POU5F2: variants seen among roughly 807,000 people sequenced by gnomAD.
The protein encoded by POU5F2 is POU domain, class 5, transcription factor 2.
For missense variants in POU5F2, 401 were observed against 426.6 expected, an observed-to-expected ratio of 0.94 and a Z score of 0.53; for synonymous variants, 191 against 178.7, an observed-to-expected ratio of 1.07 and a Z score of -0.55.
In POU5F2 at chr5:93,740,537, C is replaced by G; in HGVS notation, c.*40G>C. 1 of 1,539,792 alleles carries G rather than the reference C, an allele frequency of 6.5e-7. No homozygotes were observed. The highest frequency in any genetic ancestry group is 1.4e-5 in the African/African-American group (1 of 72,724). ...CATTTCCTGGGTTTTCCCTTCTTCT[C>G]CCCTCTCCAACCGTGCCGTGAAGGG... On this transcript the variant is annotated 3_prime_UTR_variant, in exon 1 of 1. Transcript: ENST00000606183.
In POU5F2 at chr5:93,741,529, G is replaced by C. The variant is rs977984699; in HGVS notation, c.35C>G (p.Pro12Arg). Residue 12 changes from proline (P) to arginine (R), a missense_variant, in exon 1 of 1, where the codon CCC becomes CGC. Pro to Arg is a moderately radical substitution (Grantham distance 103). Transcript: ENST00000606183. ...AGHRPSNHFC[P>R]LPGSGGGGPR... ...GCCGCCCCCACCACTGCCTGGAAGG[G>C]GGCAGAAGTGGTTTGAGGGCCTGTG... is the stretch of plus-strand genomic sequence containing the variant. 1 of 1,598,980 alleles carries C rather than the reference G, an allele frequency of 6.3e-7. No homozygotes were observed. Among genetic ancestry groups the C allele is most frequent in the Non-Finnish European group, 8.5e-7 (1 of 1,173,104 alleles).
Position 93,737,911 on chromosome 5 carries a change from C to A in POU5F2, c.*2666G>T, listed in dbSNP as rs1224672919. The A allele has an allele frequency of 6.7e-6, 3 of 447,976 alleles. No homozygotes were observed. Among genetic ancestry groups the A allele is most frequent in the African/African-American group, 6.1e-5 (3 of 49,568 alleles). The allele number at this position is 447,976 out of a possible 1,614,324, so 27.8% of individuals were successfully genotyped here. On this transcript the variant is annotated 3_prime_UTR_variant, in exon 1 of 1. Coordinates refer to ENST00000606183, the MANE Select transcript of POU5F2 (RefSeq NM_153216.2). ...AGAAGAAAACACAGGAGCAAATCTTCATGACTTTGCATTTGGCAACATGAA... is the reference window on the plus strand; with the variant it reads ...AGAAGAAAACACAGGAGCAAATCTTAATGACTTTGCATTTGGCAACATGAA...
In POU5F2 at chr5:93,740,626, A is replaced by C. The variant is rs1264638988; in HGVS notation, c.938T>G (p.Val313Gly). The C allele has an allele frequency of 6.2e-7, 1 of 1,607,416 alleles. No homozygotes were observed. The highest frequency in any genetic ancestry group is 1.1e-5 in the South Asian group (1 of 91,000). ...GGTGGCTGGGGCAGAGGAGTGGGCT[A>C]CCCCTGCAGAGTAGAGACGTGTATA... ...PHYTRLYSAG[V>G]AHSSAPATTL... Residue 313 changes from valine to glycine, a missense_variant, in exon 1 of 1, where the codon GTA (valine) becomes GGA (glycine). Coordinates refer to ENST00000606183, the MANE Select transcript of POU5F2 (RefSeq NM_153216.2).
Position 93,741,214 on chromosome 5 carries a change from T to C in POU5F2, c.350A>G (p.Glu117Gly). 1 of 1,613,886 alleles carries C rather than the reference T, an allele frequency of 6.2e-7. No individual in the cohort carries two copies. Among genetic ancestry groups the C allele is most frequent in the Admixed American group, 1.7e-5 (1 of 60,026 alleles). Residue 117 changes from glutamate to glycine, a missense_variant, in exon 1 of 1, where the codon GAG becomes GGG. By Grantham distance (98) the Glu-to-Gly change is moderately conservative. Transcript: ENST00000606183. ...CTCTTTCAGTATGCCCGAGATGTCC[T>C]CTGGCGGCGGCAACTTCGGAATGCT... ...LRSIPKLPPP[E>G]DISGILKELQ...
At position 93,737,939 on chromosome 5, in the gene POU5F2, G is replaced by C; in HGVS notation, c.*2638C>G. The C allele has an allele frequency of 2.2e-6, 1 of 447,792 alleles. No homozygotes were observed. Among genetic ancestry groups the C allele is most frequent in the South Asian group, 1.6e-5 (1 of 61,780 alleles). 27.7% of individuals were successfully genotyped at this position (447,792 alleles called of 1,614,324 possible). ...GACTTTGCATTTGGCAACATGAAAA[G>C]CCTAAGCAACAAAAGAAAAAATGGA... On this transcript the variant is annotated 3_prime_UTR_variant, in exon 1 of 1. Coordinates refer to ENST00000606183, the MANE Select transcript of POU5F2 (RefSeq NM_153216.2).
Position 93,740,860 on chromosome 5 carries a change from G to A in POU5F2, c.704C>T (p.Pro235Leu). ...LEKFFQRCPK[P>L]TPQQISHIAG... ...AATGTGGCTGATTTGCTGGGGTGTG[G>A]GCTTAGGGCACCGCTGGAAGAATTT... Residue 235 changes from proline to leucine, a missense_variant, in exon 1 of 1, where the codon CCC (proline) becomes CTC (leucine). Physicochemically the swap from Pro to Leu is moderately conservative, Grantham distance 98. Transcript: ENST00000606183. The A allele has an allele frequency of 1.2e-6, 2 of 1,613,906 alleles. No individual in the cohort carries two copies. The highest frequency in any genetic ancestry group is 1.3e-5 in the African/African-American group (1 of 75,018).
At position 93,740,766 on chromosome 5, in the gene POU5F2, A is replaced by ACTGCCCATCTTG; in HGVS notation, c.786_797dup (p.Lys263_Ser266dup). ...GTGGGGAAGCATCATTGGTTGGTCGACTGCCCATCTTGCTGCGGTTATAGA... is the reference window on the plus strand; with the variant it reads ...GTGGGGAAGCATCATTGGTTGGTCGACTGCCCATCTTGCTGCCCATCTTGCTGCGGTTATAGA... On this transcript the variant is annotated inframe_insertion, in exon 1 of 1. Coordinates refer to ENST00000606183, the MANE Select transcript of POU5F2 (RefSeq NM_153216.2). The ACTGCCCATCTTG allele has an allele frequency of 6.2e-7, 1 of 1,612,238 alleles. No homozygotes were observed. Among genetic ancestry groups the ACTGCCCATCTTG allele is most frequent in the South Asian group, 1.1e-5 (1 of 90,798 alleles).
At position 93,738,280 on chromosome 5, in the gene POU5F2, A is replaced by C. The variant is rs1342798569; in HGVS notation, c.*2297T>G. ...CTTAACAGCTACCAAGATGGCTATA[A>C]TTTTTTAAAAAATAACAAGTGTTGC... is the stretch of plus-strand genomic sequence containing the variant. On this transcript the variant is annotated 3_prime_UTR_variant, in exon 1 of 1. Transcript: ENST00000606183. 2 of 152,722 alleles carry C rather than the reference A, an allele frequency of 1.3e-5. No homozygotes were observed. Among genetic ancestry groups the C allele is most frequent in the East Asian group, 3.8e-4 (2 of 5,218 alleles). 9.5% of individuals were successfully genotyped at this position (152,722 alleles called of 1,614,324 possible). A position where few individuals can be genotyped will look rare whatever the true frequency, so the allele number is the denominator to read the frequency against.
rs974808099 is a variant in POU5F2, at chr5:93,738,492, A to T, written c.*2085T>A. 2 of 152,256 alleles carry T rather than the reference A, an allele frequency of 1.3e-5. No homozygotes were observed. The highest frequency in any genetic ancestry group is 2.4e-5 in the African/African-American group (1 of 41,470). 9.4% of individuals were successfully genotyped at this position (152,256 alleles called of 1,614,324 possible). A position where few individuals can be genotyped will look rare whatever the true frequency, so the allele number is the denominator to read the frequency against. On this transcript the variant is annotated 3_prime_UTR_variant, in exon 1 of 1. Transcript: ENST00000606183. ...ACAACAGATAAACAAATAGATTATT[A>T]TATGTAAATGTTCATAGCAGTATCA...
rs1223343713 is a variant in POU5F2, at chr5:93,738,009, T to C, written c.*2568A>G. On this transcript the variant is annotated 3_prime_UTR_variant, in exon 1 of 1. Coordinates refer to ENST00000606183, the MANE Select transcript of POU5F2 (RefSeq NM_153216.2). ...ATTAAAGTCTGTCTGCATCAAAAGA[T>C]ACAGTCAAAAGAGTAAAAGGACAAC... 2.4e-6 allele frequency: 1 copy of C among 413,538 alleles called. No individual in the cohort carries two copies. The highest frequency in any genetic ancestry group is 7.3e-5 in the East Asian group (1 of 13,610). The allele number at this position is 413,538 out of a possible 1,614,324, so 25.6% of individuals were successfully genotyped here.
chr5:93,734,463 G>A lies in POU5F2; in HGVS notation c.*6114C>T, dbSNP rs777888206. 9.9e-5 allele frequency: 15 copies of A among 152,196 alleles called. No individual in the cohort carries two copies. The highest frequency in any genetic ancestry group is 2.0e-4 in the Admixed American group (3 of 15,278). The allele number at this position is 152,196 out of a possible 1,614,324, so 9.4% of individuals were successfully genotyped here. A position where few individuals can be genotyped will look rare whatever the true frequency, so the allele number is the denominator to read the frequency against. On this transcript the variant is annotated 3_prime_UTR_variant, in exon 1 of 1. Coordinates refer to ENST00000606183, the MANE Select transcript of POU5F2 (RefSeq NM_153216.2). ...CGGTCCTCTTTGAATATGTGATGAA[G>A]GCTATGAACCATCTTTAAAGAAAAT...
chr5:93,740,854 G>A lies in POU5F2; in HGVS notation c.710C>T (p.Pro237Leu), dbSNP rs1042110357. Residue 237 changes from proline to leucine, a missense_variant, in exon 1 of 1, where the codon CCC becomes CTC. By Grantham distance (98) the Pro-to-Leu change is moderately conservative. Transcript: ENST00000606183. Reference sequence around the variant, plus strand: ...CCCAGCAATGTGGCTGATTTGCTGGGGTGTGGGCTTAGGGCACCGCTGGAA... The same window carrying A: ...CCCAGCAATGTGGCTGATTTGCTGGAGTGTGGGCTTAGGGCACCGCTGGAA... ...KFFQRCPKPT[P>L]QQISHIAGCL... is the part of the protein sequence containing the mutation. 5 of 1,613,846 alleles carry A rather than the reference G, an allele frequency of 3.1e-6. No homozygotes were observed. Among genetic ancestry groups the A allele is most frequent in the Non-Finnish European group, 8.5e-7 (1 of 1,179,882 alleles).
rs1001811886 is a variant in POU5F2, at chr5:93,737,099, A to G, written c.*3478T>C. On this transcript the variant is annotated 3_prime_UTR_variant, in exon 1 of 1. Coordinates refer to ENST00000606183, the MANE Select transcript of POU5F2 (RefSeq NM_153216.2). ...TTAGAACTAAATCTGCATAAGTCGC[A>G]GGATACAAAATCAACACAGGAAAAT... The G allele has an allele frequency of 6.6e-6, 1 of 152,266 alleles. No homozygotes were observed. 9.4% of individuals were successfully genotyped at this position (152,266 alleles called of 1,614,324 possible).
In POU5F2 at chr5:93,741,592, G is replaced by A. The variant is rs545845690; in HGVS notation, c.-29C>T. ...TGGAATGGCACCCGCAGCGGCTCTG[G>A]TAGGAACTGATGGCCCTCGAGGCTT... is the stretch of plus-strand genomic sequence containing the variant. On this transcript the variant is annotated 5_prime_UTR_variant, in exon 1 of 1. Transcript: ENST00000606183. 87 of 1,481,956 alleles carry A rather than the reference G, an allele frequency of 5.9e-5. No homozygotes were observed. The East Asian group carries it at 2.0e-3, about 34-fold the overall frequency. 91.8% of individuals were successfully genotyped at this position (1,481,956 alleles called of 1,614,324 possible).
At position 93,741,557 on chromosome 5, in the gene POU5F2, C is replaced by T. The variant is rs1561435028; in HGVS notation, c.7G>A (p.Gly3Arg). 3.9e-6 allele frequency: 6 copies of T among 1,557,660 alleles called. No individual in the cohort carries two copies. The highest frequency in any genetic ancestry group is 2.0e-4 in the Middle Eastern group (1 of 4,890). The change falls in exon 1 of 1, where the codon GGA becomes AGA. Residue 3 changes from glycine to arginine, a missense_variant. Transcript: ENST00000606183. MA[G>R]HRPSNHFCPL... Reference sequence around the variant, plus strand: ...CAGAAGTGGTTTGAGGGCCTGTGTCCGGCCATGGGTGGAATGGCACCCGCA... The same window carrying T: ...CAGAAGTGGTTTGAGGGCCTGTGTCTGGCCATGGGTGGAATGGCACCCGCA...
In POU5F2 at chr5:93,740,904, T is replaced by G. The variant is rs748374007; in HGVS notation, c.660A>C (p.Arg220=). 6 of 1,613,980 alleles carry G rather than the reference T, an allele frequency of 3.7e-6. 1 individual carries two copies. In the South Asian group the frequency reaches 5.5e-5, roughly 15 times the overall value. Residue 220 remains arginine (R), a synonymous_variant, in exon 1 of 1, where the codon CGA becomes CGC. Coordinates refer to ENST00000606183, the MANE Select transcript of POU5F2 (RefSeq NM_153216.2). ...AGAATTTCTCCAGGCTGTTTCCGAT[T>G]CGTCGCTCTCTGCTTGCCCGTCTCC... ...GKWRRASRER[R]IGNSLEKFFQ...
chr5:93,736,537 T>C lies in POU5F2; in HGVS notation c.*4040A>G, dbSNP rs1747251486. The C allele has an allele frequency of 6.6e-6, 1 of 152,098 alleles. No homozygotes were observed. The highest frequency in any genetic ancestry group is 1.5e-5 in the Non-Finnish European group (1 of 68,032). 9.4% of individuals were successfully genotyped at this position (152,098 alleles called of 1,614,324 possible). On this transcript the variant is annotated 3_prime_UTR_variant, in exon 1 of 1. Transcript: ENST00000606183. Reference sequence around the variant, plus strand: ...TGAGTCATTTACTCTTACACAAAGATGTCATGAGAATGAGATCCCTCAAAA... The same window carrying C: ...TGAGTCATTTACTCTTACACAAAGACGTCATGAGAATGAGATCCCTCAAAA...
In POU5F2 at chr5:93,733,338, C is replaced by T. The variant is rs1360869694; in HGVS notation, c.*7239G>A. The T allele has an allele frequency of 1.3e-5, 2 of 151,760 alleles. No individual in the cohort carries two copies. Among genetic ancestry groups the T allele is most frequent in the African/African-American group, 2.4e-5 (1 of 41,276 alleles). 9.4% of individuals were successfully genotyped at this position (151,760 alleles called of 1,614,324 possible). On this transcript the variant is annotated 3_prime_UTR_variant, in exon 1 of 1. Transcript: ENST00000606183. ...GTCTCAGCCTCCTGAGTAGCTGGGA[C>T]TACAGGCATGCATCACCACACGCAG...
At position 93,737,031 on chromosome 5, in the gene POU5F2, G is replaced by T. The variant is rs1747359270; in HGVS notation, c.*3546C>A. On this transcript the variant is annotated 3_prime_UTR_variant, in exon 1 of 1. Transcript: ENST00000606183. Reference sequence around the variant, plus strand: ...AACTATCTTTATTCACAGATGATATGATTTATATGTAGAAAACCCTAAAGA... The same window carrying T: ...AACTATCTTTATTCACAGATGATATTATTTATATGTAGAAAACCCTAAAGA... 2 of 152,158 alleles carry T rather than the reference G, an allele frequency of 1.3e-5. No homozygotes were observed. The highest frequency in any genetic ancestry group is 4.8e-5 in the African/African-American group (2 of 41,446). 9.4% of individuals were successfully genotyped at this position (152,158 alleles called of 1,614,324 possible). A position where few individuals can be genotyped will look rare whatever the true frequency, so the allele number is the denominator to read the frequency against.
Sources: gnomAD v4.1 joint callset for allele counts on GRCh38, gnomAD v4.1.1 for gene constraint, MANE v1.5 for transcripts, NCBI Gene and HGNC (gene_info 2026-07-23, HGNC 2026-07-21) for gene names.